KIAA1217: variants seen among roughly 807,000 people sequenced by gnomAD.
KIAA1217 encodes sickle tail protein homolog.
A neutral mutation model predicts 163.9 loss-of-function variants in KIAA1217; 88 were observed. The ratio of observed to expected loss-of-function variants is 0.54; its 90% CI spans 0.45 to 0.64. The LOEUF (loss-of-function observed/expected upper bound fraction) is 0.64, where lower values mean the gene tolerates loss of function less well. Among genes scored for constraint, KIAA1217 ranks in the 30% least tolerant of loss-of-function variants. KIAA1217 has a pLI of 0.00. For missense variants in KIAA1217, 2,372 were observed against 2,475.0 expected (o/e 0.96, Z 0.88); for synonymous variants, 903 against 923.1 (o/e 0.98, Z 0.39).
chr10:23,757,528 A>AT (rs966869788), intron 1 of KIAA1217, among the ~76,000 whole-genome samples: 105 of 151,758 alleles, frequency 6.9e-4, no homozygotes, highest in African/African-American at 2.5e-3. Context: ...TATTTTATTT[A>AT]TTTTTTTGAG....
chr10:23,729,972 G>A (rs537064242), intron 1 of KIAA1217, among the ~76,000 whole-genome samples: 1 of 151,246 alleles, frequency 6.6e-6, no homozygotes, highest in South Asian at 2.1e-4. Flanking sequence ...CACGATCTCT[G>A]TTCACTGCAA....
At chr10:24,485,641 A>G (rs1283149314) in intron 6 of KIAA1217, among the ~76,000 whole-genome samples, 1 of 152,206 alleles carries the variant, frequency 6.6e-6, no homozygotes, top group Non-Finnish European at 1.5e-5. Context: ...GCCTGGCCCA[A>G]GAAATATTTG....
chr10:24,543,643 A>G lies in KIAA1217; in HGVS notation c.4373A>G (p.Lys1458Arg), dbSNP rs773515845. ...CCCATGGACATCCGGTCTGCCTATA[A>G]GAGACTTTCAACTATCTTTGAGGAA... is the stretch of plus-strand genomic sequence containing the variant. ...DEPMDIRSAYKRLSTIFEECD... is the reference protein window; with the variant it reads ...DEPMDIRSAYRRLSTIFEECD... Residue 1458 changes from lysine to arginine, a missense_variant, in exon 19 of 21, where the codon AAG becomes AGG. Transcript: ENST00000376454. 20 of 1,614,182 alleles carry G rather than the reference A, an allele frequency of 1.2e-5. No homozygotes were observed. The highest frequency in any genetic ancestry group is 1.7e-5 in the Non-Finnish European group (20 of 1,180,036).
chr10:24,360,881 T>C (rs1009004993), intron 2 of KIAA1217, among the ~76,000 whole-genome samples: 2 of 143,598 alleles, frequency 1.4e-5, no homozygotes, highest in African/African-American at 5.4e-5. Context: ...TATCAGTAGT[T>C]ATTTCAATGC....
chr10:24,242,406 T>C (rs2073213384), intron 2 of KIAA1217, among the ~76,000 whole-genome samples: 2 of 152,232 alleles, frequency 1.3e-5, no homozygotes, highest in African/African-American at 4.8e-5. Flanking sequence ...TCCATCCATG[T>C]TGCTGCCAAA....
intron 2 of KIAA1217, among the ~76,000 whole-genome samples, chr10:24,016,929 C>T (rs990297927): frequency 2.0e-5 from 3 of 151,542 alleles, no homozygotes; most frequent in African/African-American, 4.9e-5. Flanking sequence ...ATTTTATTTG[C>T]TTGAATCTTC....
intron 1 of KIAA1217, among the ~76,000 whole-genome samples, chr10:23,802,861 T>C (rs574658250): frequency 6.6e-6 from 1 of 152,166 alleles, no homozygotes; most frequent in African/African-American, 2.4e-5. Context: ...ATAGTAACCA[T>C]GAAACCATAT....
At chr10:23,893,860 A>G (rs1278665876) in intron 1 of KIAA1217, among the ~76,000 whole-genome samples, 1 of 152,086 alleles carries the variant, frequency 6.6e-6, no homozygotes, top group Admixed American at 6.6e-5. Flanking sequence ...AATGTAATCC[A>G]GCATATAAAC....
chr10:23,863,603 G>C (rs1218812869), intron 1 of KIAA1217, among the ~76,000 whole-genome samples: 2 of 152,126 alleles, frequency 1.3e-5, no homozygotes, highest in Non-Finnish European at 2.9e-5. Flanking sequence ...ACCTTGATTT[G>C]TACTTGCCAG....
intron 2 of KIAA1217, among the ~76,000 whole-genome samples, chr10:24,323,874 T>C (rs2044511294): frequency 6.6e-6 from 1 of 151,798 alleles, no homozygotes; most frequent in South Asian, 2.1e-4. Context: ...TTCTTCTTAG[T>C]ACCTGAGAGT....
At chr10:24,177,006 C>A (rs575553521) in intron 2 of KIAA1217, among the ~76,000 whole-genome samples, 164 of 152,050 alleles carry the variant, frequency 1.1e-3, no homozygotes, top group African/African-American at 3.4e-3. Flanking sequence ...GTGGTGCCAG[C>A]TGGCTGCTCC....
intron 2 of KIAA1217, among the ~76,000 whole-genome samples, chr10:24,118,983 T>C (rs2063173079): frequency 6.6e-6 from 1 of 152,130 alleles, no homozygotes; most frequent in Non-Finnish European, 1.5e-5. Context: ...TAGTCAGCCT[T>C]TTTTGCATAT....
chr10:23,914,586 A>T (rs1245915117), intron 1 of KIAA1217, among the ~76,000 whole-genome samples: 2 of 152,078 alleles, frequency 1.3e-5, no homozygotes, highest in Non-Finnish European at 2.9e-5. Flanking sequence ...AAGCACTGGG[A>T]TTACAGGTGT....
At chr10:23,701,418 C>T (rs1183286821) in intron 1 of KIAA1217, among the ~76,000 whole-genome samples, 1 of 152,176 alleles carries the variant, frequency 6.6e-6, no homozygotes, top group Non-Finnish European at 1.5e-5. Context: ...CACATTCTCT[C>T]ATGTCCATGC....
intron 2 of KIAA1217, among the ~76,000 whole-genome samples, chr10:24,220,834 C>T (rs984662444): frequency 6.9e-6 from 1 of 145,464 alleles, no homozygotes. Context: ...CATCATAGCT[C>T]ACTGCAGCCT....
Position 24,098,711 on chromosome 10 carries a change from C to G in KIAA1217, c.-171+91337C>G, listed in dbSNP as rs117063803. ...AAAGAGAGCAGCCTGTAACCCTCCC[C>G]TCTGAAGGGGAGCGTGTGTGTGTGT... On this transcript the variant is annotated intron_variant, in intron 2 of 18. Coordinates refer to the KIAA1217 transcript ENST00000376462. Among the ~76,000 whole-genome samples the G allele has an allele frequency of 1.9e-3, 253 of 134,904 alleles. 3 individuals are homozygous for G. The East Asian group carries it at 0.032, about 17-fold the overall frequency. The allele number at this position is 134,904 out of a possible 152,430, so 88.5% of individuals were successfully genotyped here. A position where few individuals can be genotyped will look rare whatever the true frequency, so the allele number is the denominator to read the frequency against.
chr10:24,307,280 T>C (rs75669347), intron 2 of KIAA1217, among the ~76,000 whole-genome samples: 147 of 152,316 alleles, frequency 9.7e-4, no homozygotes, highest in African/African-American at 3.4e-3. Flanking sequence ...AGAGCTCTTA[T>C]GTTATAAAGC....
At chr10:24,486,824 A>G (rs182464280) in intron 6 of KIAA1217, among the ~76,000 whole-genome samples, 2 of 152,134 alleles carry the variant, frequency 1.3e-5, no homozygotes, top group Admixed American at 1.3e-4. Context: ...TTGGTGTCTA[A>G]GGTTTATCAT....
Position 24,438,366 on chromosome 10 carries a change from A to G in KIAA1217, c.753-20A>G. ...CAGGCTTCTTTCATCTGCCATAGTT[A>G]TCGATGTTTTTGATTCCAGGAACAT... is the stretch of plus-strand genomic sequence containing the variant. On this transcript the variant is annotated intron_variant, in intron 4 of 20. Coordinates refer to ENST00000376454, the MANE Select transcript of KIAA1217 (RefSeq NM_019590.5). 1 of 1,560,318 alleles carries G rather than the reference A, an allele frequency of 6.4e-7. No individual in the cohort carries two copies. The highest frequency in any genetic ancestry group is 1.1e-5 in the South Asian group (1 of 89,870).
Sources: allele counts gnomAD v4.1 joint callset (sites outside exome capture counted in the v4.1 genomes callset), GRCh38; gene constraint gnomAD v4.1.1; transcripts MANE v1.5; gene names NCBI Gene and HGNC (gene_info 2026-07-23, HGNC 2026-07-21).